Variants in P2RY2 observed in about 807,000 individuals in gnomAD.
The protein encoded by P2RY2 is P2Y purinoceptor 2.
For missense variants in P2RY2, 567 were observed against 515.7 expected, an observed-to-expected ratio of 1.10 and a Z score of -0.96; for synonymous variants, 241 against 231.9, an observed-to-expected ratio of 1.04 and a Z score of -0.35.
In P2RY2 at chr11:73,235,312, T is replaced by C. The variant is rs771003497; in HGVS notation, c.*19T>C. On this transcript the variant is annotated 3_prime_UTR_variant, in exon 3 of 3. Coordinates refer to ENST00000393597, the MANE Select transcript of P2RY2 (RefSeq NM_002564.4). ...GCTGTAGGAGCAGAACACTTCAGCC[T>C]GTGCAGGTTTATATTGGGAAGCTGT... 2 of 1,525,460 alleles carry C rather than the reference T, an allele frequency of 1.3e-6. No homozygotes were observed. The highest frequency in any genetic ancestry group is 1.3e-5 in the South Asian group (1 of 76,660). The allele number at this position is 1,525,460 out of a possible 1,614,324, so 94.5% of individuals were successfully genotyped here.
At chr11:73,225,182 G>C (rs961022157) in intron 1 of P2RY2, among the ~76,000 whole-genome samples, 3 of 152,218 alleles carry the variant, frequency 2.0e-5, no homozygotes, top group Non-Finnish European at 2.9e-5. Context: ...ACATTCCAGA[G>C]CCACTCTAGT....
Position 73,235,156 on chromosome 11 carries a change from C to A in P2RY2, c.997C>A (p.Arg333Ser). The change falls in exon 3 of 3, where the codon CGC becomes AGC. Residue 333 changes from arginine (R) to serine (S), a missense_variant. Arg to Ser is a moderately radical substitution (Grantham distance 110, BLOSUM62 -1). Coordinates refer to ENST00000393597, the MANE Select transcript of P2RY2 (RefSeq NM_002564.4). ...PTGPSPATPA[R>S]RRLGLRRSDR... ...TGGCCCCAGCCCTGCCACCCCGGCT[C>A]GCCGCAGGCTGGGCCTGCGCAGATC... is the stretch of plus-strand genomic sequence containing the variant. The A allele has an allele frequency of 6.2e-7, 1 of 1,608,528 alleles. No homozygotes were observed. Among genetic ancestry groups the A allele is most frequent in the Non-Finnish European group, 8.5e-7 (1 of 1,179,264 alleles).
chr11:73,236,146 G>C lies in P2RY2; in HGVS notation c.*853G>C. 3 of 1,000,326 alleles carry C rather than the reference G, an allele frequency of 3.0e-6. No individual in the cohort carries two copies. Among genetic ancestry groups the C allele is most frequent in the Non-Finnish European group, 3.6e-6 (3 of 830,028 alleles). The allele number at this position is 1,000,326 out of a possible 1,614,324, so 62.0% of individuals were successfully genotyped here. ...GCTTCTGTGCCTGACTCTGTGCTGAGCACAGAGAAAAGTCAGGTGCAGTCC... is the reference window on the plus strand; with the variant it reads ...GCTTCTGTGCCTGACTCTGTGCTGACCACAGAGAAAAGTCAGGTGCAGTCC... On this transcript the variant is annotated 3_prime_UTR_variant, in exon 3 of 3. Transcript: ENST00000393597.
Position 73,235,410 on chromosome 11 carries a change from C to T in P2RY2, c.*117C>T, listed in dbSNP as rs1371842983. On this transcript the variant is annotated 3_prime_UTR_variant, in exon 3 of 3. Coordinates refer to ENST00000393597, the MANE Select transcript of P2RY2 (RefSeq NM_002564.4). ...CATCAGTGACTCATGCTGGATGACC[C>T]CATGCTCCGTCATTTGACAGGGGCT... The T allele has an allele frequency of 1.4e-6, 2 of 1,465,700 alleles. No homozygotes were observed. The highest frequency in any genetic ancestry group is 1.8e-6 in the Non-Finnish European group (2 of 1,108,756). The allele number at this position is 1,465,700 out of a possible 1,614,324, so 90.8% of individuals were successfully genotyped here.
intron 2 of P2RY2, chr11:73,233,949 T>C (rs927506995): frequency 9.9e-6 from 6 of 608,268 alleles, no homozygotes; most frequent in Non-Finnish European, 1.7e-5. Flanking sequence ...GACTATAGTT[T>C]GTCTACCCCT....
rs750931409 is a variant in P2RY2 at position 73,235,144 on chromosome 11, G to A, written c.985G>A (p.Ala329Thr). ...DAKPPTGPSPATPARRRLGLR... is the reference protein window; with the variant it reads ...DAKPPTGPSPTTPARRRLGLR... ...CAAGCCACCCACTGGCCCCAGCCCT[G>A]CCACCCCGGCTCGCCGCAGGCTGGG... is the stretch of plus-strand genomic sequence containing the variant. The change falls in exon 3 of 3, where the codon GCC (alanine) becomes ACC (threonine). Residue 329 changes from alanine to threonine, a missense_variant. Coordinates refer to ENST00000393597, the MANE Select transcript of P2RY2 (RefSeq NM_002564.4). 5.0e-6 allele frequency: 8 copies of A among 1,610,280 alleles called. No homozygotes were observed. The South Asian group carries it at 6.6e-5, about 13-fold the overall frequency.
chr11:73,221,683 T>C (rs1267862363), intron 1 of P2RY2, among the ~76,000 whole-genome samples: 1 of 152,120 alleles, frequency 6.6e-6, no homozygotes, highest in African/African-American at 2.4e-5. Context: ...GGGCCACACC[T>C]CCTCTTGGTT....
At chr11:73,226,024 G>A (rs539094517) in intron 1 of P2RY2, among the ~76,000 whole-genome samples, 72 of 152,314 alleles carry the variant, frequency 4.7e-4, no homozygotes, top group Non-Finnish European at 9.0e-4. Context: ...GTGGACAGAC[G>A]GGGCAGGGGT....
chr11:73,235,261 G>C lies in P2RY2; in HGVS notation c.1102G>C (p.Gly368Arg). 1 of 1,581,628 alleles carries C rather than the reference G, an allele frequency of 6.3e-7. No homozygotes were observed. Among genetic ancestry groups the C allele is most frequent in the Non-Finnish European group, 8.6e-7 (1 of 1,163,922 alleles). ...TAGGCGGACAGAGTCCACGCCGGCT[G>C]GTAGCGAGAACACTAAGGACATTCG... The part of the protein sequence containing the change: ...DSRRTESTPA[G>R]SENTKDIRL Residue 368 changes from glycine to arginine, a missense_variant, in exon 3 of 3, where the codon GGT becomes CGT. By Grantham distance (125) the Gly-to-Arg change is moderately radical. Coordinates refer to ENST00000393597, the MANE Select transcript of P2RY2 (RefSeq NM_002564.4).
chr11:73,235,233 C>G lies in P2RY2; in HGVS notation c.1074C>G (p.Asp358Glu), dbSNP rs1431167870. 1 of 1,606,036 alleles carries G rather than the reference C, an allele frequency of 6.2e-7. No individual in the cohort carries two copies. Among genetic ancestry groups the G allele is most frequent in the East Asian group, 2.2e-5 (1 of 44,766 alleles). ...RIEDVLGSSEDSRRTESTPAG... is the reference protein window; with the variant it reads ...RIEDVLGSSEESRRTESTPAG... ...AAGATGTGTTGGGCAGCAGTGAGGA[C>G]TCTAGGCGGACAGAGTCCACGCCGG... Residue 358 changes from aspartate (D) to glutamate (E), a missense_variant, in exon 3 of 3, where the codon GAC becomes GAG. By Grantham distance (45) the Asp-to-Glu change is conservative. Transcript: ENST00000393597.
intron 1 of P2RY2, among the ~76,000 whole-genome samples, chr11:73,223,717 T>C (rs1591626754): frequency 6.6e-6 from 1 of 152,166 alleles, no homozygotes; most frequent in African/African-American, 2.4e-5. Context: ...GTTGGGGTGG[T>C]GTCCAGGACG....
In P2RY2 at chr11:73,236,807, G is replaced by A. The variant is rs1008634392; in HGVS notation, c.*1514G>A. On this transcript the variant is annotated 3_prime_UTR_variant, in exon 3 of 3. Coordinates refer to ENST00000393597, the MANE Select transcript of P2RY2 (RefSeq NM_002564.4). Reference sequence around the variant, plus strand: ...CTGGGTCAGGACTTAGTATGGGGGAGATGGGTCTCACCTATGATAGGTTCT... The same window carrying A: ...CTGGGTCAGGACTTAGTATGGGGGAAATGGGTCTCACCTATGATAGGTTCT... The A allele has an allele frequency of 7.1e-6, 7 of 985,340 alleles. No homozygotes were observed. The highest frequency in any genetic ancestry group is 7.2e-6 in the Non-Finnish European group (6 of 829,934). The allele number at this position is 985,340 out of a possible 1,614,324, so 61.0% of individuals were successfully genotyped here. A position where few individuals can be genotyped will look rare whatever the true frequency, so the allele number is the denominator to read the frequency against.
At chr11:73,223,125 C>T (rs1266102032) in intron 1 of P2RY2, among the ~76,000 whole-genome samples, 5 of 152,164 alleles carry the variant, frequency 3.3e-5, no homozygotes, top group Admixed American at 1.3e-4. Flanking sequence ...CCTTCACACC[C>T]GGAACCAGAG....
rs1264204834 is a variant in P2RY2 at position 73,235,184 on chromosome 11, A to G, written c.1025A>G (p.Asp342Gly). 2 of 1,611,742 alleles carry G rather than the reference A, an allele frequency of 1.2e-6. No individual in the cohort carries two copies. Among genetic ancestry groups the G allele is most frequent in the African/African-American group, 1.3e-5 (1 of 75,068 alleles). Residue 342 changes from aspartate to glycine, a missense_variant, in exon 3 of 3, where the codon GAC becomes GGC. Transcript: ENST00000393597. The part of the protein sequence containing the change: ...ARRRLGLRRS[D>G]RTDMQRIEDV... ...CGCAGGCTGGGCCTGCGCAGATCCGACAGAACTGACATGCAGAGGATAGAA... is the reference window on the plus strand; with the variant it reads ...CGCAGGCTGGGCCTGCGCAGATCCGGCAGAACTGACATGCAGAGGATAGAA...
chr11:73,221,331 T>C lies in P2RY2; in HGVS notation c.-200+2899T>C, dbSNP rs1009104229. ...GCAGATCAGGAAATAGAGGCATGGA[T>C]TGTATCCTGCCCAGGGTCACCAAGC... On this transcript the variant is annotated intron_variant, in intron 1 of 2. Transcript: ENST00000393597. Among the ~76,000 whole-genome samples the C allele has an allele frequency of 1.1e-4, 16 of 152,100 alleles. 1 individual carries two copies. Among genetic ancestry groups the C allele is most frequent in the Admixed American group, 8.5e-4 (13 of 15,276 alleles).
intron 2 of P2RY2, among the ~76,000 whole-genome samples, chr11:73,228,577 C>A (rs1425747077): frequency 6.6e-6 from 1 of 152,150 alleles, no homozygotes; most frequent in Non-Finnish European, 1.5e-5. Context: ...ATCTCCAGAG[C>A]GCCCATGTCC....
At chr11:73,224,714 G>A (rs1412050301) in intron 1 of P2RY2, among the ~76,000 whole-genome samples, 2 of 152,178 alleles carry the variant, frequency 1.3e-5, no homozygotes, top group East Asian at 1.9e-4. Flanking sequence ...TTCAGTGTGG[G>A]AGACCTGATC....
chr11:73,228,202 C>A (rs1431075612), intron 2 of P2RY2, 27 bp downstream of exon 2: 2 of 60,968 alleles, frequency 3.3e-5, no homozygotes, highest in African/African-American at 1.5e-4. Context: ...TGGGGGGGAG[C>A]GGGTACGCTG....
chr11:73,235,413 T>C lies in P2RY2; in HGVS notation c.*120T>C. 1 of 1,463,796 alleles carries C rather than the reference T, an allele frequency of 6.8e-7. No individual in the cohort carries two copies. Among genetic ancestry groups the C allele is most frequent in the Non-Finnish European group, 9.0e-7 (1 of 1,107,866 alleles). The allele number at this position is 1,463,796 out of a possible 1,614,324, so 90.7% of individuals were successfully genotyped here. ...CAGTGACTCATGCTGGATGACCCCATGCTCCGTCATTTGACAGGGGCTCAG... is the reference window on the plus strand; with the variant it reads ...CAGTGACTCATGCTGGATGACCCCACGCTCCGTCATTTGACAGGGGCTCAG... On this transcript the variant is annotated 3_prime_UTR_variant, in exon 3 of 3. Coordinates refer to ENST00000393597, the MANE Select transcript of P2RY2 (RefSeq NM_002564.4).
Sources: gnomAD v4.1 joint callset for allele counts (sites outside exome capture counted in the v4.1 genomes callset) on GRCh38, gnomAD v4.1.1 for gene constraint, MANE v1.5 for transcripts, NCBI Gene and HGNC (gene_info 2026-07-23, HGNC 2026-07-21) for gene names.